Variants in CCDC57 observed in about 807,000 individuals in gnomAD.
The protein encoded by CCDC57 is coiled-coil domain-containing protein 57.
A neutral mutation model predicts 118.9 loss-of-function variants in CCDC57; 118 were observed. That is an observed-to-expected ratio of 0.99 (90% CI 0.86 to 1.16). The LOEUF is 1.16. Ranked by LOEUF, CCDC57 falls within the 50% of genes most tolerant of loss-of-function variation. CCDC57 has a pLI of 0.00. For synonymous variants in CCDC57, 527 were observed against 532.9 expected (o/e 0.99, Z 0.15); for missense variants, 1,300 against 1,320.7 (o/e 0.98, Z 0.24).
exon 9 of CCDC57, chr17:82,183,843 A>G: frequency 6.2e-7 from 1 of 1,611,732 alleles, no homozygotes; most frequent in Non-Finnish European, 8.5e-7. Flanking sequence ...CAGCGTCTGA[A>G]TCTGAAGGTC....
At chr17:82,119,079 G>A (rs1055834466) in intron 19 of CCDC57, among the ~76,000 whole-genome samples, 1 of 130,032 alleles carries the variant, frequency 7.7e-6, no homozygotes, top group Non-Finnish European at 1.6e-5. Flanking sequence ...GCTCCACTGA[G>A]CGGGCGGGAG....
chr17:82,133,998 G>A, intron 17 of CCDC57, 75 bp downstream of exon 16: 3 of 1,269,046 alleles, frequency 2.4e-6, no homozygotes, highest in African/African-American at 1.6e-5. Flanking sequence ...ATTGTAATCT[G>A]AAGTTTCTGT....
rs1404815252 is a variant in CCDC57, at chr17:82,192,297, C to CT, written c.851+1458dup. Among the ~76,000 whole-genome samples the CT allele has an allele frequency of 6.6e-6, 1 of 152,132 alleles. No homozygotes were observed. The highest frequency in any genetic ancestry group is 2.4e-5 in the African/African-American group (1 of 41,418). ...ATTTTCTTTCCTCTAGCTAGCATTA[C>CT]TTTAAGAATCAGCATAGGATACACA... is the stretch of plus-strand genomic sequence containing the variant. On this transcript the variant is annotated intron_variant, in intron 7 of 19. Coordinates refer to ENST00000665763, the Ensembl canonical transcript of CCDC57. This position sits in a 1 kb window ranked among gnomAD's most constrained non-coding sequence, Gnocchi z 4.0.
intron 14 of CCDC57, among the ~76,000 whole-genome samples, chr17:82,161,636 G>A (rs745889491): frequency 1.1e-4 from 17 of 152,128 alleles, no homozygotes; most frequent in African/African-American, 2.2e-4. Flanking sequence ...GAAAGAAGCC[G>A]GGCACAAAAG....
chr17:82,181,274 C>T (rs564339444), intron 9 of CCDC57, among the ~76,000 whole-genome samples: 48 of 152,358 alleles, frequency 3.2e-4, no homozygotes, highest in African/African-American at 1.1e-3. Context: ...CGGGGCTCCA[C>T]GTGCGCTGAT....
intron 13 of CCDC57, among the ~76,000 whole-genome samples, chr17:82,166,416 G>A (rs1232016040): frequency 6.6e-6 from 1 of 151,572 alleles, no homozygotes; most frequent in African/African-American, 2.4e-5. Flanking sequence ...TCAGCAGTCT[G>A]AGGCAGGAGG....
intron 2 of CCDC57, among the ~76,000 whole-genome samples, chr17:82,203,310 C>T (rs1442591351): frequency 6.6e-6 from 1 of 152,178 alleles, no homozygotes; most frequent in East Asian, 1.9e-4. Context: ...CACTGTGCTT[C>T]CTGTACAGCC....
At chr17:82,188,127 CT>C in intron 8 of CCDC57, 91 bp downstream of exon 7, 1 of 1,129,336 alleles carries the variant, frequency 8.9e-7, no homozygotes, top group Non-Finnish European at 1.2e-6. Context: ...GCCTGGCCCC[CT>C]TTCCTGTGGT....
intron 15 of CCDC57, 100 bp downstream of exon 14, chr17:82,157,648 T>C: frequency 6.8e-7 from 1 of 1,475,634 alleles, no homozygotes; most frequent in Non-Finnish European, 9.0e-7. Flanking sequence ...CCACCTGAGC[T>C]CCCAGGGCAT....
At chr17:82,115,890 C>T (rs539474374) in intron 19 of CCDC57, among the ~76,000 whole-genome samples, 25 of 149,088 alleles carry the variant, frequency 1.7e-4, no homozygotes, top group Non-Finnish European at 3.3e-4. Flanking sequence ...CTCCACCCTC[C>T]GAGTTCAAGC....
chr17:82,121,761 C>A (rs776247286), intron 19 of CCDC57, among the ~76,000 whole-genome samples: 1 of 152,212 alleles, frequency 6.6e-6, no homozygotes, highest in Non-Finnish European at 1.5e-5. Context: ...CTGCTGAGAC[C>A]ATTTTGGGCA....
chr17:82,120,430 C>T (rs924313663), intron 19 of CCDC57, among the ~76,000 whole-genome samples: 3 of 152,194 alleles, frequency 2.0e-5, no homozygotes, highest in South Asian at 2.1e-4. Flanking sequence ...GTCTGGCGAG[C>T]GACTGCCGAG....
chr17:82,200,392 G>A (rs142882346), intron 3 of CCDC57, among the ~76,000 whole-genome samples: 1 of 152,326 alleles, frequency 6.6e-6, no homozygotes, highest in East Asian at 1.9e-4. Flanking sequence ...ATTGCCCGTG[G>A]CGGCTTTCAC....
exon 15 of CCDC57, chr17:82,157,823 T>C (rs773711485): frequency 6.2e-7 from 1 of 1,604,646 alleles, no homozygotes; most frequent in East Asian, 2.2e-5. Flanking sequence ...CGTGCTGGGC[T>C]ATCCTGAGAT....
chr17:82,109,717 C>T (rs558718196), intron 19 of CCDC57, among the ~76,000 whole-genome samples: 286 of 151,746 alleles, frequency 1.9e-3, no homozygotes, highest in African/African-American at 6.6e-3. Context: ...ATTAGCCGGG[C>T]GTGGTGGCGG....
chr17:82,121,559 T>A (rs11654584), intron 19 of CCDC57, among the ~76,000 whole-genome samples: 84,694 of 152,138 alleles, frequency 0.56, 24,562 homozygotes, highest in African/African-American at 0.64. Flanking sequence ...AAGAAAAAGA[T>A]TCAGGAGAGA....
rs762684918 is a variant in CCDC57, at chr17:82,172,708, G to C, written c.1659C>G (p.Ile553Met). The C allele has an allele frequency of 6.3e-7, 1 of 1,578,408 alleles. No homozygotes were observed. Among genetic ancestry groups the C allele is most frequent in the East Asian group, 2.3e-5 (1 of 43,578 alleles). The change falls in exon 12 of 20, where the codon ATC (isoleucine) becomes ATG (methionine). Residue 553 changes from isoleucine (I) to methionine (M), a missense_variant. Ile to Met is a conservative substitution (Grantham distance 10). Coordinates refer to ENST00000665763, the Ensembl canonical transcript of CCDC57. This position sits in a 1 kb window ranked among gnomAD's most constrained non-coding sequence, Gnocchi z 5.2. ...CATCTGTGCTCTCTGCCGCTGTCTG[G>C]ATGGGAGGAGGAATCTGATGGCTTA... is the stretch of plus-strand genomic sequence containing the variant.
intron 16 of CCDC57, among the ~76,000 whole-genome samples, chr17:82,138,649 A>G (rs9674631): frequency 0.51 from 68,499 of 135,408 alleles, 16,541 homozygotes; most frequent in East Asian, 0.88. Flanking sequence ...GAAGAGACGC[A>G]TGGCCTGCCC....
intron 16 of CCDC57, among the ~76,000 whole-genome samples, chr17:82,148,063 T>G (rs2041087300): frequency 9.1e-6 from 1 of 109,978 alleles, no homozygotes; most frequent in African/African-American, 3.7e-5. Context: ...GGTGGATGGA[T>G]GGATGGGTGG....
Sources: allele counts gnomAD v4.1 joint callset (sites outside exome capture counted in the v4.1 genomes callset), GRCh38; gene constraint gnomAD v4.1.1; non-coding constraint Gnocchi (gnomAD v3.1); transcripts MANE v1.5; gene names NCBI Gene and HGNC (gene_info 2026-07-23, HGNC 2026-07-21).